Variants in ZC3H14 observed in about 807,000 individuals in gnomAD.
The protein encoded by ZC3H14 is zinc finger CCCH-type containing 14, also known as zinc finger CCCH domain-containing protein 14.
In ZC3H14, 31 loss-of-function variants were observed where a neutral mutation model predicts 92.4. The ratio of observed to expected loss-of-function variants is 0.34; its 90% CI spans 0.25 to 0.45. ZC3H14 has a LOEUF of 0.45. Among genes scored for constraint, ZC3H14 ranks in the 20% least tolerant of loss-of-function variants. ZC3H14 has a pLI of 1.00. For synonymous variants in ZC3H14, 321 were observed against 300.9 expected, an observed-to-expected ratio of 1.07 and a Z score of -0.69; for missense variants, 781 against 897.3, an observed-to-expected ratio of 0.87 and a Z score of 1.66.
At chr14:88,585,566 G>A (rs1034759301) in intron 9 of ZC3H14, among the ~76,000 whole-genome samples, 13 of 151,864 alleles carry the variant, frequency 8.6e-5, no homozygotes, top group African/African-American at 2.9e-4. Flanking sequence ...TAATAGAGAC[G>A]AGGTTTCACC....
Position 88,618,008 on chromosome 14 carries a change from C to A in ZC3H14, c.*6257C>A. 2 of 206,110 alleles carry A rather than the reference C, an allele frequency of 9.7e-6. No individual in the cohort carries two copies. Among genetic ancestry groups the A allele is most frequent in the Non-Finnish European group, 1.5e-5 (2 of 131,104 alleles). 12.8% of individuals were successfully genotyped at this position (206,110 alleles called of 1,614,324 possible). A position where few individuals can be genotyped will look rare whatever the true frequency, so the allele number is the denominator to read the frequency against. On this transcript the variant is annotated 3_prime_UTR_variant, in exon 17 of 17. Transcript: ENST00000251038. ...ATCTTTAAAGTTAAAACTTTGATTT[C>A]CTTAAAAAAAAAACTTGATAAATCA...
intron 9 of ZC3H14, among the ~76,000 whole-genome samples, chr14:88,584,115 C>G (rs1053637718): frequency 5.9e-5 from 9 of 152,124 alleles, no homozygotes; most frequent in Middle Eastern, 3.2e-3. Flanking sequence ...ATTAATATAG[C>G]CATTTAATTA....
chr14:88,601,806 G>C, intron 10 of ZC3H14, 118 bp from the exon 11 acceptor site: 2 of 1,245,888 alleles, frequency 1.6e-6, no homozygotes, highest in Non-Finnish European at 2.2e-6. Flanking sequence ...AACCAGTTGT[G>C]ATTTTCCTTT....
At chr14:88,578,781 G>GTTTTTTTTTTTTTTTTTT (rs35101368) in intron 9 of ZC3H14, among the ~76,000 whole-genome samples, 2 of 76,852 alleles carry the variant, frequency 2.6e-5, no homozygotes, top group Non-Finnish European at 2.4e-5. Flanking sequence ...TTGCTTCCAG[G>GTTTTTTTTTTTTTTTTTT]TTTTTTTTTT....
intron 12 of ZC3H14, among the ~76,000 whole-genome samples, chr14:88,604,980 G>T (rs1490413229): frequency 2.6e-5 from 4 of 152,190 alleles, no homozygotes; most frequent in African/African-American, 9.6e-5. Context: ...AGCCAGTGAA[G>T]ACTAGGGGCA....
At position 88,620,651 on chromosome 14, in the gene ZC3H14, C is replaced by T; in HGVS notation, c.*8900C>T. 1.1e-6 allele frequency: 1 copy of T among 894,510 alleles called. No individual in the cohort carries two copies. Among genetic ancestry groups the T allele is most frequent in the Non-Finnish European group, 1.6e-6 (1 of 635,250 alleles). The allele number at this position is 894,510 out of a possible 1,614,324, so 55.4% of individuals were successfully genotyped here. On this transcript the variant is annotated 3_prime_UTR_variant, in exon 17 of 17. Transcript: ENST00000251038. This position sits in a 1 kb window ranked among gnomAD's most constrained non-coding sequence, Gnocchi z 4.3. ...ACAATTTATAATACGGGAAATGCTA[C>T]AGGCCCTGGGGACCTCTTTTTGAAG...
Position 88,627,158 on chromosome 14 carries a change from C to A in ZC3H14, c.*15407C>A, listed in dbSNP as rs1037072490. The A allele has an allele frequency of 6.0e-6, 6 of 998,430 alleles. No individual in the cohort carries two copies. The highest frequency in any genetic ancestry group is 9.1e-6 in the Non-Finnish European group (6 of 657,602). 61.8% of individuals were successfully genotyped at this position (998,430 alleles called of 1,614,324 possible). On this transcript the variant is annotated 3_prime_UTR_variant, in exon 17 of 17. Coordinates refer to ENST00000251038, the MANE Select transcript of ZC3H14 (RefSeq NM_024824.5). ...AAAAAACAAAGGCTTAGAAGAGAGGCCAATGGCCCCTGCTCTACTACCTAG... is the reference window on the plus strand; with the variant it reads ...AAAAAACAAAGGCTTAGAAGAGAGGACAATGGCCCCTGCTCTACTACCTAG...
intron 9 of ZC3H14, among the ~76,000 whole-genome samples, chr14:88,579,711 A>G (rs2081639640): frequency 6.6e-6 from 1 of 152,258 alleles, no homozygotes; most frequent in Non-Finnish European, 1.5e-5. Context: ...TAGCTATCCA[A>G]AGCAAACTTT....
At chr14:88,587,633 A>G (rs1350862411) in intron 9 of ZC3H14, among the ~76,000 whole-genome samples, 1 of 152,198 alleles carries the variant, frequency 6.6e-6, no homozygotes, top group Non-Finnish European at 1.5e-5. Context: ...GAGAAACAGT[A>G]AGCATTTACA....
At chr14:88,602,243 C>T (rs2084752603) in intron 11 of ZC3H14, among the ~76,000 whole-genome samples, 160 bp downstream of exon 11, 5 of 152,190 alleles carry the variant, frequency 3.3e-5, no homozygotes, top group Admixed American at 2.6e-4. Context: ...ATTCAGTTTT[C>T]AAGAATTCCA....
intron 9 of ZC3H14, among the ~76,000 whole-genome samples, chr14:88,587,569 A>C (rs531856272): frequency 6.6e-6 from 1 of 152,036 alleles, no homozygotes; most frequent in African/African-American, 2.4e-5. Flanking sequence ...AAGCTGATCA[A>C]ATTTACATTT....
At position 88,616,263 on chromosome 14, in the gene ZC3H14, AGCTCAG is replaced by A. The variant is rs2087595233; in HGVS notation, c.*4514_*4519del. 1 of 1,609,878 alleles carries A rather than the reference AGCTCAG, an allele frequency of 6.2e-7. No individual in the cohort carries two copies. ...TTTGCCTAAAAAACAATGACAGACA[AGCTCAG>A]GGCATTTGGTGCACACAGAAGTCAA... is the stretch of plus-strand genomic sequence containing the variant. On this transcript the variant is annotated 3_prime_UTR_variant, in exon 17 of 17. Coordinates refer to ENST00000251038, the MANE Select transcript of ZC3H14 (RefSeq NM_024824.5).
rs758388240 is a variant in ZC3H14 at position 88,602,860 on chromosome 14, C to CT, written c.1547_1548insT (p.Lys517GlnfsTer26). 1 of 1,614,022 alleles carries CT rather than the reference C, an allele frequency of 6.2e-7. No homozygotes were observed. The highest frequency in any genetic ancestry group is 2.2e-5 in the East Asian group (1 of 44,872). ...GTACAACCAGATAAACCTGCAAGTC[C>CT]CAAGTTTATAGTGACGCTGGATGGT... On this transcript the variant is annotated frameshift_variant, in exon 12 of 17. Transcript: ENST00000251038. LOFTEE classifies it high-confidence loss of function.
In ZC3H14 at chr14:88,627,255, T is replaced by C. The variant is rs2140418201; in HGVS notation, c.*15504T>C. 2 of 582,510 alleles carry C rather than the reference T, an allele frequency of 3.4e-6. No individual in the cohort carries two copies. The highest frequency in any genetic ancestry group is 3.7e-5 in the African/African-American group (2 of 53,738). The allele number at this position is 582,510 out of a possible 1,614,324, so 36.1% of individuals were successfully genotyped here. ...TCTTCGCTCCATTAACTTTTCTTTA[T>C]ATAACGTAAATGTTTTGTCTAAAGT... On this transcript the variant is annotated 3_prime_UTR_variant, in exon 17 of 17. Transcript: ENST00000251038.
At chr14:88,573,292 A>G (rs1314174940) in intron 6 of ZC3H14, among the ~76,000 whole-genome samples, 2 of 152,010 alleles carry the variant, frequency 1.3e-5, no homozygotes, top group Non-Finnish European at 1.5e-5. Context: ...AGGCAGGAGA[A>G]TGGCGTGAAC....
rs1018866840 is a variant in ZC3H14, at chr14:88,612,788, T to C, written c.*1037T>C. On this transcript the variant is annotated 3_prime_UTR_variant, in exon 17 of 17. Transcript: ENST00000251038. ...TGGCCTACTGTATTACTTACAGAGT[T>C]TTTTTGTGTGTGGTTTTTAAAACTG... 6.6e-6 allele frequency: 1 copy of C among 152,556 alleles called. No individual in the cohort carries two copies. Among genetic ancestry groups the C allele is most frequent in the South Asian group, 2.1e-4 (1 of 4,830 alleles). The allele number at this position is 152,556 out of a possible 1,614,324, so 9.5% of individuals were successfully genotyped here.
Position 88,624,527 on chromosome 14 carries a change from A to C in ZC3H14, c.*12776A>C, listed in dbSNP as rs924059466. The C allele has an allele frequency of 1.9e-5, 3 of 156,210 alleles. No homozygotes were observed. Among genetic ancestry groups the C allele is most frequent in the African/African-American group, 7.2e-5 (3 of 41,498 alleles). 9.7% of individuals were successfully genotyped at this position (156,210 alleles called of 1,614,324 possible). A position where few individuals can be genotyped will look rare whatever the true frequency, so the allele number is the denominator to read the frequency against. ...AAAACAGTTTAAATTTGCCTCAAGC[A>C]AAAGGAAACAAGGCAGTTCTCTCTA... On this transcript the variant is annotated 3_prime_UTR_variant, in exon 17 of 17. Transcript: ENST00000251038.
intron 5 of ZC3H14, 48 bp from the exon 6 acceptor site, chr14:88,572,530 T>C: frequency 6.2e-7 from 1 of 1,604,120 alleles, no homozygotes; most frequent in South Asian, 1.1e-5. Context: ...GATTTGGTGA[T>C]AATTGCCCTA....
rs1207582056 is a variant in ZC3H14, at chr14:88,616,665, CTGA to C, written c.*4919_*4921del. 49 of 1,441,706 alleles carry C rather than the reference CTGA, an allele frequency of 3.4e-5. No individual in the cohort carries two copies. Among genetic ancestry groups the C allele is most frequent in the Non-Finnish European group, 4.3e-5 (46 of 1,069,000 alleles). The allele number at this position is 1,441,706 out of a possible 1,614,324, so 89.3% of individuals were successfully genotyped here. On this transcript the variant is annotated 3_prime_UTR_variant, in exon 17 of 17. Coordinates refer to ENST00000251038, the MANE Select transcript of ZC3H14 (RefSeq NM_024824.5). ...CATTTTAAATATATGGGGAAAAGTGCTGATGATAAGACATCAAAATTAGGAGTA... is the reference window on the plus strand; with the variant it reads ...CATTTTAAATATATGGGGAAAAGTGCTGATAAGACATCAAAATTAGGAGTA...
Sources: gnomAD v4.1 joint callset for allele counts (sites outside exome capture counted in the v4.1 genomes callset) on GRCh38, gnomAD v4.1.1 for gene constraint, Gnocchi (gnomAD v3.1) non-coding constraint, MANE v1.5 for transcripts, NCBI Gene and HGNC (gene_info 2026-07-23, HGNC 2026-07-21) for gene names.